The following SHBG variants were observed in gnomAD, a reference collection of about 807,000 sequenced individuals.
The protein encoded by SHBG is sex hormone-binding globulin.
A neutral mutation model predicts 41.9 loss-of-function variants in SHBG; 37 were observed. The ratio of observed to expected loss-of-function variants is 0.88; its 90% CI spans 0.68 to 1.16. The LOEUF is 1.16. SHBG is among the 50% of genes most tolerant of loss of function. The pLI is 0.00. For synonymous variants in SHBG, 217 were observed against 205.8 expected (o/e 1.05, Z -0.47); for missense variants, 466 against 499.9 (o/e 0.93, Z 0.65).
At position 7,630,538 on chromosome 17, in the gene SHBG, C is replaced by T; in HGVS notation, c.203+31C>T. On this transcript the variant is annotated intron_variant, in intron 2 of 7. Coordinates refer to ENST00000380450, the MANE Select transcript of SHBG (RefSeq NM_001040.5). The surrounding 1 kb of genome is among the most constrained non-coding windows in gnomAD (Gnocchi z 4.6). The stretch of plus-strand genomic sequence containing the variant: ...GGGTTGGCCTAGCCCTTGACCCAGT[C>T]CCCTGGTTCTGCCCTCTCTCCATCA... The T allele has an allele frequency of 1.3e-6, 2 of 1,588,546 alleles. No individual in the cohort carries two copies. The highest frequency in any genetic ancestry group is 8.6e-7 in the Non-Finnish European group (1 of 1,156,802).
At chr17:7,625,353 G>A (rs1259376332), upstream of SHBG, among the ~76,000 whole-genome samples, 1 of 149,850 alleles carries the variant, frequency 6.7e-6, no homozygotes, top group Non-Finnish European at 1.5e-5. Flanking sequence ...CAAGGTGGGT[G>A]GATCACGAGG....
chr17:7,627,616 C>G (rs370995343), upstream of SHBG: 1 of 1,613,322 alleles, frequency 6.2e-7, no homozygotes, highest in Non-Finnish European at 8.5e-7. This position sits in a 1 kb window ranked among gnomAD's most constrained non-coding sequence, Gnocchi z 4.8. Context: ...CTTGGCCTCT[C>G]GGATCCGCAC....
chr17:7,632,981 G>T lies in SHBG; in HGVS notation c.1060+22G>T, dbSNP rs1457854073. On this transcript the variant is annotated intron_variant, in intron 7 of 7. Transcript: ENST00000380450. The stretch of plus-strand genomic sequence containing the variant: ...CCAGGTAAGAGAGAATGATGTTCAA[G>T]TTCATGAGCACAACATTGGAAACAG... 3 of 1,599,610 alleles carry T rather than the reference G, an allele frequency of 1.9e-6. 1 individual carries two copies. In the South Asian group the frequency reaches 3.3e-5, roughly 18 times the overall value.
intron 1 of SHBG, among the ~76,000 whole-genome samples, chr17:7,615,425 T>C (rs2071957111): frequency 6.6e-6 from 1 of 152,212 alleles, no homozygotes; most frequent in Non-Finnish European, 1.5e-5. Flanking sequence ...CGCGTATGCA[T>C]CGCCGATATT....
upstream of SHBG, chr17:7,626,856 A>G: frequency 6.2e-7 from 1 of 1,608,214 alleles, no homozygotes; most frequent in Non-Finnish European, 8.5e-7. Context: ...TCAGAAAATG[A>G]CACCGGCTGG....
chr17:7,627,837 C>T (rs1257763437), upstream of SHBG: 1 of 665,880 alleles, frequency 1.5e-6, no homozygotes, highest in Non-Finnish European at 2.8e-6. The surrounding 1 kb of genome is among the most constrained non-coding windows in gnomAD (Gnocchi z 4.8). Context: ...GCCAGCGAGG[C>T]GATCCTCTGT....
chr17:7,628,296 C>T, upstream of SHBG: 2 of 208,568 alleles, frequency 9.6e-6, no homozygotes, highest in South Asian at 7.3e-5. Flanking sequence ...TGGTGTATTG[C>T]TTTGTCGCCC....
At chr17:7,623,130 C>T (rs555048013), upstream of SHBG, among the ~76,000 whole-genome samples, 29 of 152,186 alleles carry the variant, frequency 1.9e-4, no homozygotes, top group African/African-American at 6.5e-4. Flanking sequence ...CAGTGGCTCA[C>T]GCCTGCAATC....
intron 1 of SHBG, among the ~76,000 whole-genome samples, chr17:7,615,856 AAGAAT>A (rs1026184450): frequency 1.3e-5 from 2 of 148,798 alleles, no homozygotes; most frequent in African/African-American, 4.9e-5. Flanking sequence ...AAAAGAAAGA[AAGAAT>A]AGAAAGAAAG....
At chr17:7,614,148 G>C (rs930557839) in intron 1 of SHBG, 5 of 613,882 alleles carry the variant, frequency 8.1e-6, no homozygotes, top group East Asian at 3.4e-5. Flanking sequence ...CAGTCAATTA[G>C]AAGCTGGGTA....
intron 1 of SHBG, among the ~76,000 whole-genome samples, chr17:7,621,094 C>CAAAAA (rs61026446): frequency 1.3e-4 from 7 of 52,294 alleles, no homozygotes; most frequent in South Asian, 8.7e-4. Flanking sequence ...GACCCTGTCA[C>CAAAAA]AAAAAAAAAA....
At chr17:7,624,624 C>T (rs1308238492), upstream of SHBG, among the ~76,000 whole-genome samples, 1 of 151,490 alleles carries the variant, frequency 6.6e-6, no homozygotes, top group Non-Finnish European at 1.5e-5. Flanking sequence ...CCCTCAACCT[C>T]TCAAAGTGTT....
At chr17:7,618,114 G>T (rs1233688058) in intron 1 of SHBG, among the ~76,000 whole-genome samples, 2 of 151,894 alleles carry the variant, frequency 1.3e-5, no homozygotes, top group Non-Finnish European at 2.9e-5. Context: ...AACTACTCAG[G>T]AAGCTGAGGG....
At position 7,621,195 on chromosome 17, in the gene SHBG, C is replaced by T. The variant is rs561686086; in HGVS notation, c.-62+7084C>T. 5.9e-5 allele frequency among the ~76,000 whole-genome samples: 8 copies of T among 136,624 alleles called. 2 individuals are homozygous for T. The highest frequency in any genetic ancestry group is 2.3e-4 in the South Asian group (1 of 4,286). 89.6% of individuals were successfully genotyped at this position (136,624 alleles called of 152,430 possible). A position where few individuals can be genotyped will look rare whatever the true frequency, so the allele number is the denominator to read the frequency against. On this transcript the variant is annotated intron_variant, in intron 1 of 5. Transcript: ENST00000570547. ...CTAACACCAAGGTTGTGGATTTGAT[C>T]GCCACGTGGGCAAATGTATTATCAT...
intron 1 of SHBG, among the ~76,000 whole-genome samples, chr17:7,622,380 C>T (rs1014093834): frequency 4.6e-5 from 7 of 151,766 alleles, no homozygotes; most frequent in Non-Finnish European, 1.0e-4. Flanking sequence ...TCAAGCAATT[C>T]TGCTGCCTCA....
chr17:7,614,547 C>T, intron 1 of SHBG: 1 of 1,448,580 alleles, frequency 6.9e-7, no homozygotes, highest in Non-Finnish European at 9.1e-7. Flanking sequence ...CCGCCACCGC[C>T]TCCGACTCCC....
upstream of SHBG, among the ~76,000 whole-genome samples, chr17:7,625,953 C>T (rs1360495119): frequency 6.6e-6 from 1 of 151,316 alleles, no homozygotes; most frequent in Non-Finnish European, 1.5e-5. Flanking sequence ...CCAGTAATCC[C>T]AGCACTTTTC....
At chr17:7,620,653 G>A (rs567070404) in intron 1 of SHBG, among the ~76,000 whole-genome samples, 3 of 151,186 alleles carry the variant, frequency 2.0e-5, no homozygotes, top group East Asian at 1.9e-4. Context: ...TTTGGGGGAC[G>A]GAGTTTTGCT....
chr17:7,632,442 A>AAAAAAT (rs1171888354), intron 6 of SHBG, among the ~76,000 whole-genome samples: 2 of 152,120 alleles, frequency 1.3e-5, no homozygotes, highest in African/African-American at 2.4e-5. Flanking sequence ...CCCTGTCTCA[A>AAAAAAT]AAAAATAAAA....
Sources: gnomAD v4.1 joint callset for allele counts (sites outside exome capture counted in the v4.1 genomes callset) on GRCh38, gnomAD v4.1.1 for gene constraint, Gnocchi (gnomAD v3.1) non-coding constraint, MANE v1.5 for transcripts, NCBI Gene and HGNC (gene_info 2026-07-23, HGNC 2026-07-21) for gene names.